Variants in ASIP observed in about 807,000 individuals in gnomAD.
ASIP encodes the protein agouti signaling protein.
In ASIP, 11 loss-of-function variants were observed where a neutral mutation model predicts 10.3. The ratio of observed to expected loss-of-function variants is 1.07; its 90% CI spans 0.68 to 1.78. The LOEUF (loss-of-function observed/expected upper bound fraction) is 1.78. ASIP is among the 40% of genes most tolerant of loss of function. ASIP has a pLI of 0.00. For synonymous variants in ASIP, 70 were observed against 70.8 expected, an observed-to-expected ratio of 0.99 and a Z score of 0.06; for missense variants, 180 against 169.2, an observed-to-expected ratio of 1.06 and a Z score of -0.35.
chr20:34,243,758 TAA>T (rs760280764), intron 1 of ASIP, among the ~76,000 whole-genome samples: 11 of 134,026 alleles, frequency 8.2e-5, no homozygotes, highest in South Asian at 2.4e-4. Context: ...ATATTGTATT[TAA>T]AAAAAAAAAA....
intron 2 of ASIP, among the ~76,000 whole-genome samples, chr20:34,262,579 A>G (rs1374349079): frequency 4.6e-5 from 7 of 152,218 alleles, no homozygotes; most frequent in Non-Finnish European, 5.9e-5. Context: ...TGTCACAGGC[A>G]GATCCCAGTG....
chr20:34,261,098 C>T (rs1411757497), intron 2 of ASIP, among the ~76,000 whole-genome samples: 1 of 152,222 alleles, frequency 6.6e-6, no homozygotes, highest in East Asian at 1.9e-4. Context: ...TAGCACGGAT[C>T]ACACAGTTTT....
Position 34,260,347 on chromosome 20 carries a change from C to A in ASIP, c.-10-18C>A. 1 of 1,601,664 alleles carries A rather than the reference C, an allele frequency of 6.2e-7. No individual in the cohort carries two copies. The highest frequency in any genetic ancestry group is 8.5e-7 in the Non-Finnish European group (1 of 1,171,352). On this transcript the variant is annotated intron_variant, in intron 1 of 3. Transcript: ENST00000374954. The stretch of plus-strand genomic sequence containing the variant: ...ACCCCTGACCCACCCACCTGACCAC[C>A]TTCTCTGTCCCACTCAGGCCTCCTG...
exon 1 of ASIP, chr20:34,194,756 G>T: frequency 6.6e-6 from 1 of 152,210 alleles, no homozygotes; most frequent in Non-Finnish European, 1.5e-5. Flanking sequence ...CCTGTATAGA[G>T]AGAGGTGAGC....
intron 1 of ASIP, among the ~76,000 whole-genome samples, chr20:34,197,794 A>AAGCTC (rs2034868059): frequency 6.6e-6 from 1 of 152,188 alleles, no homozygotes; most frequent in Non-Finnish European, 1.5e-5. Flanking sequence ...GTAGTGCACC[A>AAGCTC]AGCTCATAAT....
chr20:34,235,872 A>G (rs202083536), intron 1 of ASIP, among the ~76,000 whole-genome samples: 4 of 69,278 alleles, frequency 5.8e-5, no homozygotes, highest in African/African-American at 2.8e-4. Context: ...AAGGAAAGGA[A>G]GGAAGGAAGG....
At chr20:34,248,133 G>A (rs995878777) in intron 1 of ASIP, among the ~76,000 whole-genome samples, 1 of 152,072 alleles carries the variant, frequency 6.6e-6, no homozygotes, top group African/African-American at 2.4e-5. Context: ...TTGAACCCGG[G>A]AGGTGAAGGT....
intron 1 of ASIP, among the ~76,000 whole-genome samples, chr20:34,222,822 G>A (rs1224679137): frequency 1.3e-5 from 2 of 152,018 alleles, no homozygotes; most frequent in African/African-American, 2.4e-5. Flanking sequence ...TGGAGACGGG[G>A]TTTCGCTGTG....
intron 1 of ASIP, among the ~76,000 whole-genome samples, chr20:34,217,141 C>T (rs916266788): frequency 1.8e-4 from 27 of 150,016 alleles, no homozygotes; most frequent in African/African-American, 6.6e-4. Flanking sequence ...ATGGTCCCAG[C>T]TGAAAGCCTG....
At chr20:34,195,626 G>A (rs1324217658) in intron 1 of ASIP, among the ~76,000 whole-genome samples, 1 of 152,198 alleles carries the variant, frequency 6.6e-6, no homozygotes, top group South Asian at 2.1e-4. Flanking sequence ...AAAGCTGACC[G>A]ACATTTACCT....
intron 1 of ASIP, among the ~76,000 whole-genome samples, chr20:34,222,911 G>T (rs1220021568): frequency 6.6e-6 from 1 of 152,292 alleles, no homozygotes; most frequent in African/African-American, 2.4e-5. Context: ...ATTGCAGACG[G>T]AGTCTCGTTC....
At chr20:34,221,260 C>T (rs2035045523) in intron 1 of ASIP, among the ~76,000 whole-genome samples, 1 of 152,018 alleles carries the variant, frequency 6.6e-6, no homozygotes, top group Admixed American at 6.6e-5. Flanking sequence ...TGCCTGTAGT[C>T]CCAGCTACTG....
At chr20:34,236,229 G>A (rs930800352) in intron 1 of ASIP, among the ~76,000 whole-genome samples, 9 of 152,118 alleles carry the variant, frequency 5.9e-5, no homozygotes, top group Admixed American at 5.2e-4. Flanking sequence ...AGCTCTAGGT[G>A]GTTTAAATGA....
At chr20:34,265,346 A>T (rs976805634) in intron 3 of ASIP, among the ~76,000 whole-genome samples, 5 of 151,888 alleles carry the variant, frequency 3.3e-5, no homozygotes, top group Admixed American at 3.3e-4. Flanking sequence ...AACATGATGA[A>T]ACCTCATCTC....
chr20:34,232,093 G>T (rs2035125373), intron 1 of ASIP, among the ~76,000 whole-genome samples: 1 of 152,162 alleles, frequency 6.6e-6, no homozygotes, highest in South Asian at 2.1e-4. Flanking sequence ...CCCAGATGAA[G>T]GTCTACACAT....
chr20:34,222,505 A>G (rs1452711291), intron 1 of ASIP, among the ~76,000 whole-genome samples: 2 of 152,226 alleles, frequency 1.3e-5, no homozygotes, highest in Non-Finnish European at 2.9e-5. Context: ...CCTAACATGC[A>G]GAGAAACTTG....
intron 1 of ASIP, among the ~76,000 whole-genome samples, chr20:34,200,969 T>TTTCC (rs1179933802): frequency 0.016 from 1,150 of 72,812 alleles, 33 homozygotes; most frequent in Middle Eastern, 0.029. Context: ...TCTTTCTTTC[T>TTTCC]TTCCTTCCTT....
chr20:34,235,355 G>A (rs8114900), intron 1 of ASIP, among the ~76,000 whole-genome samples: 39,688 of 151,984 alleles, frequency 0.26, 9,444 homozygotes, highest in African/African-American at 0.64. Flanking sequence ...CAGGACAATC[G>A]CTTGAAGCGG....
chr20:34,207,329 G>T (rs1211773443), intron 1 of ASIP, among the ~76,000 whole-genome samples: 1 of 152,156 alleles, frequency 6.6e-6, no homozygotes, highest in Non-Finnish European at 1.5e-5. Flanking sequence ...TCATATGCCT[G>T]TTGGCCCTTT....
Sources: gnomAD v4.1 joint callset for allele counts (sites outside exome capture counted in the v4.1 genomes callset) on GRCh38, gnomAD v4.1.1 for gene constraint, MANE v1.5 for transcripts, NCBI Gene and HGNC (gene_info 2026-07-23, HGNC 2026-07-21) for gene names.